Variants in RAPGEF6 observed in about 807,000 individuals in gnomAD.
RAPGEF6 encodes PDZ domain containing guanine nucleotide exchange factor (GEF) 2.
In RAPGEF6, 56 loss-of-function variants were observed where a neutral mutation model predicts 171.4. The ratio of observed to expected loss-of-function variants is 0.33; its 90% confidence interval spans 0.26 to 0.41. The LOEUF is 0.41. Among genes scored for constraint, RAPGEF6 ranks in the 10% least tolerant of loss-of-function variants. RAPGEF6 has a pLI of 1.00. For missense variants in RAPGEF6, 1,674 were observed against 1,921.4 expected (o/e 0.87, Z 2.41); for synonymous variants, 692 against 650.1 (o/e 1.06, Z -0.98).
At chr5:131,555,844 A>C (rs770250695) in intron 5 of RAPGEF6, among the ~76,000 whole-genome samples, 48 of 152,156 alleles carry the variant, frequency 3.2e-4, no homozygotes, top group Non-Finnish European at 6.9e-4. Context: ...ATACGTTCTG[A>C]GAAACTAGTT....
Position 131,631,890 on chromosome 5 carries a change from C to T in RAPGEF6, c.69+3072G>A, listed in dbSNP as rs186327743. The stretch of plus-strand genomic sequence containing the variant: ...AAGAGATTGAGGCCATCCTGGCTAA[C>T]ACGGTGAAACCCCATCTCTACTAAA... On this transcript the variant is annotated intron_variant, in intron 1 of 27. Transcript: ENST00000509018. Among the ~76,000 whole-genome samples the T allele has an allele frequency of 1.4e-3, 208 of 152,216 alleles. 1 individual carries two copies. Among genetic ancestry groups the T allele is most frequent in the African/African-American group, 4.8e-3 (200 of 41,544 alleles).
intron 6 of RAPGEF6, chr5:131,532,062 T>G: frequency 2.4e-6 from 1 of 415,570 alleles, no homozygotes; most frequent in Non-Finnish European, 4.7e-6. Flanking sequence ...ATTTAATAAC[T>G]GGATTAAATC....
intron 17 of RAPGEF6, 45 bp downstream of exon 17, chr5:131,472,542 C>T: frequency 6.3e-7 from 1 of 1,580,460 alleles, no homozygotes; most frequent in Non-Finnish European, 8.7e-7. Flanking sequence ...TCTATTTGTT[C>T]ATTTGGTACC....
In RAPGEF6 at chr5:131,438,669, T is replaced by C. The variant is rs1232368685; in HGVS notation, c.3745+912A>G. 2.0e-5 allele frequency among the ~76,000 whole-genome samples: 3 copies of C among 152,110 alleles called. No homozygotes were observed. In the East Asian group the frequency reaches 5.8e-4, roughly 29 times the overall value. ...TAGAATGCTACATGTGCAGCTAACA[T>C]GAAATGGCATCTGCTGCACACTGCC... On this transcript the variant is annotated intron_variant, in intron 24 of 27. Transcript: ENST00000509018.
At chr5:131,518,766 T>C (rs1033980161) in intron 7 of RAPGEF6, among the ~76,000 whole-genome samples, 42 of 152,290 alleles carry the variant, frequency 2.8e-4, no homozygotes, top group African/African-American at 1.0e-3. Flanking sequence ...ATATATTTGA[T>C]GTTAACATTA....
rs183693443 is a variant in RAPGEF6, at chr5:131,584,949, T to C, written c.281+7434A>G. Among the ~76,000 whole-genome samples the C allele has an allele frequency of 1.4e-3, 209 of 152,300 alleles. 1 individual carries two copies. The highest frequency in any genetic ancestry group is 4.7e-3 in the African/African-American group (197 of 41,550). On this transcript the variant is annotated intron_variant, in intron 4 of 27. Coordinates refer to ENST00000509018, the MANE Select transcript of RAPGEF6 (RefSeq NM_016340.6). ...GGGCAGGAAGAATCCACTGGACAGTTACAGTAATAACAGGAGTTTAACAAC... is the reference window on the plus strand; with the variant it reads ...GGGCAGGAAGAATCCACTGGACAGTCACAGTAATAACAGGAGTTTAACAAC...
chr5:131,568,676 C>A (rs1762094981), intron 4 of RAPGEF6, among the ~76,000 whole-genome samples: 1 of 152,122 alleles, frequency 6.6e-6, no homozygotes, highest in Admixed American at 6.6e-5. Flanking sequence ...GCTTCAGGAA[C>A]AAGCAAAGGT....
chr5:131,606,861 T>C (rs1414225369), intron 1 of RAPGEF6, among the ~76,000 whole-genome samples: 2 of 152,214 alleles, frequency 1.3e-5, no homozygotes, highest in African/African-American at 4.8e-5. Flanking sequence ...ATGTAAGTTA[T>C]GCCTTCCTAG....
In RAPGEF6 at chr5:131,543,227, G is replaced by A. The variant is rs1358222351; in HGVS notation, c.495+4820C>T. Among the ~76,000 whole-genome samples, 3 of 152,130 alleles carry A rather than the reference G, an allele frequency of 2.0e-5. No individual in the cohort carries two copies. The East Asian group carries it at 5.8e-4, about 29-fold the overall frequency. On this transcript the variant is annotated intron_variant, in intron 6 of 27. Transcript: ENST00000509018. ...ATAAATGGACTAGTTAGTGGCAAGG[G>A]TATAGGGGAGGATGTAGAAAGCAGG...
At chr5:131,561,116 TA>T (rs571759957) in intron 5 of RAPGEF6, among the ~76,000 whole-genome samples, 17 of 147,930 alleles carry the variant, frequency 1.1e-4, no homozygotes, top group East Asian at 3.9e-4. Flanking sequence ...TTCTAATACT[TA>T]AAAAAAAAAA....
chr5:131,440,190 G>A (rs1027247677), intron 23 of RAPGEF6: 3 of 456,158 alleles, frequency 6.6e-6, no homozygotes, highest in African/African-American at 4.0e-5. Flanking sequence ...AGGCTGCAGG[G>A]CTGCCAGTCC....
At chr5:131,574,614 T>C (rs1281900877) in intron 4 of RAPGEF6, among the ~76,000 whole-genome samples, 2 of 152,102 alleles carry the variant, frequency 1.3e-5, no homozygotes, top group Non-Finnish European at 2.9e-5. Context: ...ACCTGCCCAG[T>C]TCCCTTATTA....
chr5:131,578,926 T>C (rs1356729792), intron 4 of RAPGEF6, among the ~76,000 whole-genome samples: 4 of 152,130 alleles, frequency 2.6e-5, no homozygotes, highest in Admixed American at 1.3e-4. Flanking sequence ...TCCAGCCCCA[T>C]TGTGTCCGAA....
intron 1 of RAPGEF6, among the ~76,000 whole-genome samples, chr5:131,609,929 C>T (rs1210370026): frequency 1.3e-5 from 2 of 152,184 alleles, no homozygotes; most frequent in African/African-American, 4.8e-5. Flanking sequence ...CAATTCAAAG[C>T]AAACACAGGA....
At chr5:131,554,693 T>C (rs948316886) in intron 5 of RAPGEF6, among the ~76,000 whole-genome samples, 17 of 152,230 alleles carry the variant, frequency 1.1e-4, no homozygotes, top group Non-Finnish European at 2.2e-4. Flanking sequence ...ATTTTTGTAT[T>C]TTCAGTAGAG....
chr5:131,502,206 T>C (rs1257164844), intron 11 of RAPGEF6, among the ~76,000 whole-genome samples: 2 of 152,352 alleles, frequency 1.3e-5, no homozygotes, highest in South Asian at 2.1e-4. Context: ...AGACAGTTCA[T>C]TCCTTCAATA....
chr5:131,539,657 C>T (rs1472705289), intron 6 of RAPGEF6, among the ~76,000 whole-genome samples: 1 of 152,124 alleles, frequency 6.6e-6, no homozygotes, highest in East Asian at 1.9e-4. Context: ...GTAAAAGCAT[C>T]CAGCCATTTT....
intron 6 of RAPGEF6, among the ~76,000 whole-genome samples, chr5:131,522,970 C>A (rs1024641063): frequency 6.6e-6 from 1 of 152,126 alleles, no homozygotes; most frequent in Non-Finnish European, 1.5e-5. Flanking sequence ...CTGTTGGAAG[C>A]AAACACAAAT....
chr5:131,507,817 T>C (rs1757465426), intron 9 of RAPGEF6, among the ~76,000 whole-genome samples: 1 of 152,196 alleles, frequency 6.6e-6, no homozygotes, highest in African/African-American at 2.4e-5. Flanking sequence ...TAAAAACATT[T>C]GGTTCATTGA....
Sources: allele counts gnomAD v4.1 joint callset (sites outside exome capture counted in the v4.1 genomes callset), GRCh38; gene constraint gnomAD v4.1.1; transcripts MANE v1.5; gene names NCBI Gene and HGNC (gene_info 2026-07-23, HGNC 2026-07-21).